ACTN1: variants seen among roughly 807,000 people sequenced by gnomAD.
The protein encoded by ACTN1 is actinin alpha 1.
ACTN1 carries 30 observed loss-of-function variants against 119.6 expected under a neutral mutation model. The observed-to-expected ratio is 0.25, with a 90% CI of 0.19 to 0.34. The LOEUF (loss-of-function observed/expected upper bound fraction) is 0.34. ACTN1 is among the 10% of genes least tolerant of loss of function. The probability of loss-of-function intolerance (pLI) is 1.00; values close to 1 mark genes in which losing one functional copy is unlikely to be tolerated. For synonymous variants in ACTN1, 429 were observed against 472.6 expected (o/e 0.91, Z 1.20); for missense variants, 764 against 1,223.4 (o/e 0.62, Z 5.60).
intron 3 of ACTN1, among the ~76,000 whole-genome samples, chr14:68,915,238 C>T (rs576393759): frequency 2.6e-5 from 4 of 150,992 alleles, no homozygotes; most frequent in African/African-American, 7.3e-5. Context: ...GCCTCTTGTT[C>T]CCCCTCCTCC....
chr14:68,965,116 C>T (rs1411793799), intron 1 of ACTN1, among the ~76,000 whole-genome samples: 1 of 152,192 alleles, frequency 6.6e-6, no homozygotes, highest in Non-Finnish European at 1.5e-5. Context: ...CTTACGTGTA[C>T]CCAGAATAAA....
chr14:68,935,422 T>C (rs2140456315), intron 1 of ACTN1, among the ~76,000 whole-genome samples: 1 of 107,520 alleles, frequency 9.3e-6, no homozygotes, highest in East Asian at 2.9e-4. Flanking sequence ...TTGAGAGGAG[T>C]CTGCCCAGGC....
chr14:68,905,738 TC>T (rs1594791762), intron 6 of ACTN1, among the ~76,000 whole-genome samples: 1 of 152,238 alleles, frequency 6.6e-6, no homozygotes, highest in East Asian at 1.9e-4. Flanking sequence ...ACGTGTGTAA[TC>T]CCAGTACTTT....
chr14:68,947,024 C>T (rs1414218256), intron 1 of ACTN1, among the ~76,000 whole-genome samples: 4 of 152,252 alleles, frequency 2.6e-5, no homozygotes, highest in Middle Eastern at 3.4e-3. Flanking sequence ...AATGGGCCCC[C>T]GTGAAGATGG....
In ACTN1 at chr14:68,925,318, CTTTTT is replaced by C. The variant is rs36108835; in HGVS notation, c.220+235_220+239del. 1.3e-3 allele frequency among the ~76,000 whole-genome samples: 152 copies of C among 121,256 alleles called. 1 individual carries two copies. Among genetic ancestry groups the C allele is most frequent in the Non-Finnish European group, 1.2e-3 (71 of 60,080 alleles). 79.5% of individuals were successfully genotyped at this position (121,256 alleles called of 152,430 possible). ...GAAGGAACCTCAGTTCCTTCAAACCCTTTTTTTTTTTTTTTTTTTTTTTAAAACAA... is the reference window on the plus strand; with the variant it reads ...GAAGGAACCTCAGTTCCTTCAAACCCTTTTTTTTTTTTTTTTTTAAAACAA... On this transcript the variant is annotated intron_variant, in intron 2 of 21. Coordinates refer to ENST00000394419, the MANE Select transcript of ACTN1 (RefSeq NM_001130004.2). The surrounding 1 kb of genome is among the most constrained non-coding windows in gnomAD (Gnocchi z 4.3).
In ACTN1 at chr14:68,890,258, T is replaced by TCCAGGCAGCC; in HGVS notation, c.1105_1114dup (p.Glu372GlyfsTer11). 6.2e-7 allele frequency: 1 copy of TCCAGGCAGCC among 1,614,150 alleles called. No individual in the cohort carries two copies. Among genetic ancestry groups the TCCAGGCAGCC allele is most frequent in the East Asian group, 2.2e-5 (1 of 44,882 alleles). ...CTCCTCATAGCCCTTCTCCACCTGC[T>TCCAGGCAGCC]CCAGGCAGCCCCAGGCATTGTTGAT... On this transcript the variant is annotated frameshift_variant, in exon 11 of 22. Transcript: ENST00000394419. LOFTEE classifies it high-confidence loss of function.
intron 8 of ACTN1, 72 bp downstream of exon 8, chr14:68,902,405 G>A (rs143493318): frequency 6.1e-5 from 79 of 1,288,218 alleles, no homozygotes; most frequent in Non-Finnish European, 7.6e-5. Context: ...AGGTGGAGGC[G>A]GGCAGGAGGA....
intron 1 of ACTN1, among the ~76,000 whole-genome samples, chr14:68,976,226 C>G (rs909566495): frequency 1.3e-5 from 2 of 152,158 alleles, no homozygotes; most frequent in African/African-American, 4.8e-5. Flanking sequence ...CTGCCTTCTA[C>G]CGGGTGACCT....
chr14:68,910,322 T>G (rs917722902), intron 4 of ACTN1, among the ~76,000 whole-genome samples: 11 of 152,148 alleles, frequency 7.2e-5, no homozygotes, highest in African/African-American at 2.7e-4. Context: ...CTACTCTCTT[T>G]TATTCAAAGA....
At chr14:68,915,786 TG>T (rs1416180460) in intron 3 of ACTN1, among the ~76,000 whole-genome samples, 1 of 152,100 alleles carries the variant, frequency 6.6e-6, no homozygotes, top group East Asian at 1.9e-4. Context: ...GAGGCCAAGG[TG>T]GGACAGATCA....
intron 8 of ACTN1, among the ~76,000 whole-genome samples, chr14:68,899,377 T>TCC (rs147758633): frequency 0.16 from 19,335 of 118,904 alleles, 1,491 homozygotes; most frequent in African/African-American, 0.25. Context: ...CCACACCCCA[T>TCC]ACACCTCATA....
Position 68,879,126 on chromosome 14 carries a change from G to A in ACTN1, c.2281-57C>T. On this transcript the variant is annotated intron_variant, in intron 18 of 21. Coordinates refer to ENST00000394419, the MANE Select transcript of ACTN1 (RefSeq NM_001130004.2). The surrounding 1 kb of genome is among the most constrained non-coding windows in gnomAD (Gnocchi z 4.9). ...TGCGGTGTCAGGGAGGTGGAGCCGTGAGGGGGGCATGCCCCGGGGGAGGGT... is the reference window on the plus strand; with the variant it reads ...TGCGGTGTCAGGGAGGTGGAGCCGTAAGGGGGGCATGCCCCGGGGGAGGGT... The A allele has an allele frequency of 6.5e-7, 1 of 1,548,368 alleles. No homozygotes were observed. The highest frequency in any genetic ancestry group is 8.7e-7 in the Non-Finnish European group (1 of 1,148,420).
At chr14:68,946,743 C>A (rs1158856562) in intron 1 of ACTN1, among the ~76,000 whole-genome samples, 1 of 152,208 alleles carries the variant, frequency 6.6e-6, no homozygotes, top group Non-Finnish European at 1.5e-5. Flanking sequence ...ACCATCCATC[C>A]CCCACTTAGT....
In ACTN1 at chr14:68,925,501, A is replaced by T. The variant is rs774140867; in HGVS notation, c.220+57T>A. 7.9e-5 allele frequency: 113 copies of T among 1,438,250 alleles called. 1 individual carries two copies. The highest frequency in any genetic ancestry group is 1.1e-4 in the Non-Finnish European group (111 of 1,042,820). The allele number at this position is 1,438,250 out of a possible 1,614,324, so 89.1% of individuals were successfully genotyped here. A position where few individuals can be genotyped will look rare whatever the true frequency, so the allele number is the denominator to read the frequency against. On this transcript the variant is annotated intron_variant, in intron 2 of 21. Coordinates refer to ENST00000394419, the MANE Select transcript of ACTN1 (RefSeq NM_001130004.2). This position sits in a 1 kb window ranked among gnomAD's most constrained non-coding sequence, Gnocchi z 4.3. ...TGCGCTCATAGGCAGAGCAGATGCCAAGGTGTCAGGCAGCACCAATAGACA... is the reference window on the plus strand; with the variant it reads ...TGCGCTCATAGGCAGAGCAGATGCCTAGGTGTCAGGCAGCACCAATAGACA...
intron 2 of ACTN1, among the ~76,000 whole-genome samples, chr14:68,923,226 G>A (rs976804846): frequency 2.0e-5 from 3 of 152,176 alleles, no homozygotes; most frequent in Non-Finnish European, 4.4e-5. Context: ...CCTGCCCCAA[G>A]GAGCTCAGTG....
At position 68,885,723 on chromosome 14, in the gene ACTN1, A is replaced by G; in HGVS notation, c.1235-148T>C. 1.1e-6 allele frequency: 1 copy of G among 918,570 alleles called. No individual in the cohort carries two copies. Among genetic ancestry groups the G allele is most frequent in the Non-Finnish European group, 1.6e-6 (1 of 625,024 alleles). 56.9% of individuals were successfully genotyped at this position (918,570 alleles called of 1,614,324 possible). ...TGTGCAGGGATCTGCAGGGTGCAAA[A>G]GCAGATGTGCAACTAGAACATCCAC... On this transcript the variant is annotated intron_variant, in intron 11 of 21. Transcript: ENST00000394419. The surrounding 1 kb of genome is among the most constrained non-coding windows in gnomAD (Gnocchi z 5.6).
intron 1 of ACTN1, among the ~76,000 whole-genome samples, chr14:68,935,875 T>A (rs1043658998): frequency 6.8e-6 from 1 of 147,870 alleles, no homozygotes; most frequent in African/African-American, 2.4e-5. Flanking sequence ...GGCTCCAAAC[T>A]CACGTGCTGG....
chr14:68,885,684 A>T lies in ACTN1; in HGVS notation c.1235-109T>A. The stretch of plus-strand genomic sequence containing the variant: ...AGCTCCACTTCTGGGGGTGCTTCTC[A>T]AGGAGGTGCCCATTGTGCAGGGATC... On this transcript the variant is annotated intron_variant, in intron 11 of 21. Transcript: ENST00000394419. This position sits in a 1 kb window ranked among gnomAD's most constrained non-coding sequence, Gnocchi z 5.6. The T allele has an allele frequency of 7.7e-7, 1 of 1,301,026 alleles. No individual in the cohort carries two copies. Among genetic ancestry groups the T allele is most frequent in the Non-Finnish European group, 1.1e-6 (1 of 951,780 alleles). 80.6% of individuals were successfully genotyped at this position (1,301,026 alleles called of 1,614,324 possible).
At chr14:68,937,145 G>T (rs2035567527) in intron 1 of ACTN1, among the ~76,000 whole-genome samples, 1 of 151,514 alleles carries the variant, frequency 6.6e-6, no homozygotes, top group Non-Finnish European at 1.5e-5. Flanking sequence ...ACCCTCACTT[G>T]CAGTCCATTT....
Sources: allele counts gnomAD v4.1 joint callset (sites outside exome capture counted in the v4.1 genomes callset), GRCh38; gene constraint gnomAD v4.1.1; non-coding constraint Gnocchi (gnomAD v3.1); transcripts MANE v1.5; gene names NCBI Gene and HGNC (gene_info 2026-07-23, HGNC 2026-07-21).